Variants in SLC24A2 observed in about 807,000 individuals in gnomAD.
SLC24A2 encodes the protein solute carrier family 24 member 2.
A neutral mutation model predicts 62.0 loss-of-function variants in SLC24A2; 36 were observed. That is an observed-to-expected ratio of 0.58 (90% confidence interval 0.44 to 0.77). The LOEUF (loss-of-function observed/expected upper bound fraction) is 0.77. SLC24A2 is among the 30% of genes least tolerant of loss of function. The pLI, the probability that SLC24A2 is intolerant of heterozygous loss-of-function variation, is 0.00. For missense variants in SLC24A2, 846 were observed against 817.9 expected (o/e 1.03, Z -0.42); for synonymous variants, 358 against 294.0 (o/e 1.22, Z -2.23).
At chr9:19,568,272 C>T (rs1835736469) in intron 7 of SLC24A2, among the ~76,000 whole-genome samples, 1 of 152,192 alleles carries the variant, frequency 6.6e-6, no homozygotes, top group Admixed American at 6.5e-5. Context: ...CCCAGACTTT[C>T]CAGCCTGGAA....
chr9:20,254,931 T>G, the SLC24A2 span, among the ~76,000 whole-genome samples: 1 of 152,100 alleles, frequency 6.6e-6, no homozygotes, highest in Non-Finnish European at 1.5e-5. Flanking sequence ...AAAATCCCCT[T>G]TATAAAACCA....
chr9:20,272,178 T>G, the SLC24A2 span, among the ~76,000 whole-genome samples: 1 of 152,288 alleles, frequency 6.6e-6, no homozygotes, highest in African/African-American at 2.4e-5. Context: ...AACTCAAGAA[T>G]AAACCAGTAA....
chr9:20,027,160 AAGAT>A, the SLC24A2 span, among the ~76,000 whole-genome samples: 1 of 152,026 alleles, frequency 6.6e-6, no homozygotes, highest in Admixed American at 6.5e-5. Flanking sequence ...CAAAAGGACA[AAGAT>A]AGCATGGAGA....
intron 2 of SLC24A2, among the ~76,000 whole-genome samples, chr9:19,752,953 A>G (rs889592330): frequency 6.6e-6 from 1 of 152,210 alleles, no homozygotes; most frequent in Non-Finnish European, 1.5e-5. Flanking sequence ...CTCTATATGG[A>G]TTAGCAGACA....
At chr9:19,954,837 G>C in the SLC24A2 span, among the ~76,000 whole-genome samples, 1 of 152,098 alleles carries the variant, frequency 6.6e-6, no homozygotes, top group South Asian at 2.1e-4. Flanking sequence ...TCTATAAGAA[G>C]AGAATCTGGA....
At chr9:19,642,671 CTT>C (rs71335440) in intron 2 of SLC24A2, among the ~76,000 whole-genome samples, 29,788 of 80,156 alleles carry the variant, frequency 0.37, 7,934 homozygotes, top group East Asian at 0.66. Context: ...AGAGCGTATT[CTT>C]TTTTTTTTTT....
chr9:20,202,726 G>A, the SLC24A2 span, among the ~76,000 whole-genome samples: 1 of 151,914 alleles, frequency 6.6e-6, no homozygotes, highest in Non-Finnish European at 1.5e-5. Flanking sequence ...ATATATTGCT[G>A]GATTACAGAA....
At chr9:20,051,187 T>C in the SLC24A2 span, among the ~76,000 whole-genome samples, 1 of 152,106 alleles carries the variant, frequency 6.6e-6, no homozygotes, top group Non-Finnish European at 1.5e-5. Flanking sequence ...TAGGAAAAGA[T>C]ATACCATGCT....
At chr9:19,917,349 G>A in the SLC24A2 span, among the ~76,000 whole-genome samples, 1 of 126,602 alleles carries the variant, frequency 7.9e-6, no homozygotes, top group African/African-American at 2.7e-5. Context: ...TTTTCTTTTT[G>A]TGTGGTTTTT....
At chr9:19,583,371 T>C (rs1473882986) in intron 5 of SLC24A2, among the ~76,000 whole-genome samples, 1 of 152,216 alleles carries the variant, frequency 6.6e-6, no homozygotes, top group Non-Finnish European at 1.5e-5. Context: ...CTCTCCAGCA[T>C]TTCTTATCCC....
chr9:20,109,336 T>A, the SLC24A2 span, among the ~76,000 whole-genome samples: 1 of 152,230 alleles, frequency 6.6e-6, no homozygotes, highest in Non-Finnish European at 1.5e-5. Flanking sequence ...CAGAAAGACC[T>A]GCTTGCAAGC....
the SLC24A2 span, among the ~76,000 whole-genome samples, chr9:20,000,612 C>T: frequency 3.9e-5 from 6 of 152,294 alleles, no homozygotes; most frequent in South Asian, 2.1e-4. Context: ...CAGGAACTCA[C>T]GACACATGGA....
chr9:19,517,931 A>T (rs1322967832), intron 10 of SLC24A2, among the ~76,000 whole-genome samples: 1 of 146,844 alleles, frequency 6.8e-6, no homozygotes, highest in South Asian at 2.3e-4. Context: ...ACACACACAC[A>T]CACACACACA....
the SLC24A2 span, among the ~76,000 whole-genome samples, chr9:20,059,873 T>C: frequency 6.6e-6 from 1 of 151,984 alleles, no homozygotes; most frequent in Admixed American, 6.6e-5. Context: ...AGTTGGTTGT[T>C]TGAAAAGATT....
the SLC24A2 span, among the ~76,000 whole-genome samples, chr9:19,939,894 C>G: frequency 1.3e-5 from 2 of 152,336 alleles, no homozygotes; most frequent in East Asian, 3.9e-4. Context: ...CCAGAAATCC[C>G]TGGCACACTC....
chr9:20,189,407 C>T, the SLC24A2 span, among the ~76,000 whole-genome samples: 2 of 152,206 alleles, frequency 1.3e-5, no homozygotes, highest in East Asian at 3.9e-4. Flanking sequence ...GTCCCTGGGA[C>T]CATCAATGCC....
the SLC24A2 span, among the ~76,000 whole-genome samples, chr9:20,168,988 G>T: frequency 0.01 from 1,536 of 152,010 alleles, 29 homozygotes; most frequent in African/African-American, 0.034. Flanking sequence ...ACCAAGTGTG[G>T]TATATACACA....
intron 2 of SLC24A2, among the ~76,000 whole-genome samples, chr9:19,783,981 T>C (rs749025845): frequency 1.8e-4 from 27 of 152,328 alleles, no homozygotes; most frequent in Non-Finnish European, 2.2e-4. Context: ...ATAACCTGCT[T>C]TCTTTTTCAA....
the SLC24A2 span, among the ~76,000 whole-genome samples, chr9:20,087,274 A>G: frequency 2.0e-5 from 3 of 152,244 alleles, no homozygotes; most frequent in Non-Finnish European, 2.9e-5. Context: ...ATACTGGGGA[A>G]GATTCTTGAT....
Sources: allele counts gnomAD v4.1 joint callset (sites outside exome capture counted in the v4.1 genomes callset), GRCh38; gene constraint gnomAD v4.1.1; transcripts MANE v1.5; gene names NCBI Gene and HGNC (gene_info 2026-07-23, HGNC 2026-07-21).